Variants in CADPS observed in about 807,000 individuals in gnomAD.
CADPS encodes the protein calcium dependent secretion activator, also known as calcium-dependent secretion activator 1.
Under a neutral mutation model 167.3 loss-of-function variants are expected in CADPS, and 57 were observed. The observed-to-expected ratio is 0.34, with a 90% CI of 0.28 to 0.42. The LOEUF (loss-of-function observed/expected upper bound fraction) is 0.42, where lower values mean the gene tolerates loss of function less well. Among genes scored for constraint, CADPS ranks in the 20% least tolerant of loss-of-function variants. CADPS has a pLI of 1.00. For synonymous variants in CADPS, 676 were observed against 635.3 expected (o/e 1.06, Z -0.96); for missense variants, 1,414 against 1,738.1 (o/e 0.81, Z 3.32).
chr3:62,779,212 T>A, intron 1 of CADPS: 1 of 263,540 alleles, frequency 3.8e-6, no homozygotes, highest in Middle Eastern at 4.5e-4. Flanking sequence ...TGGTGCTTTT[T>A]GGGCTGGAGT....
intron 24 of CADPS, among the ~76,000 whole-genome samples, chr3:62,466,957 G>T (rs2060008301): frequency 6.6e-6 from 1 of 152,116 alleles, no homozygotes; most frequent in Non-Finnish European, 1.5e-5. Context: ...AAGGCAAAGT[G>T]TCTCTTTCTG....
At chr3:62,807,803 T>C (rs548218468) in intron 1 of CADPS, among the ~76,000 whole-genome samples, 2 of 152,260 alleles carry the variant, frequency 1.3e-5, no homozygotes, top group South Asian at 4.1e-4. Flanking sequence ...GTTATATATC[T>C]AGATTTTGTC....
intron 6 of CADPS, among the ~76,000 whole-genome samples, chr3:62,597,440 A>C (rs1031412612): frequency 2.6e-5 from 4 of 152,214 alleles, no homozygotes; most frequent in African/African-American, 9.7e-5. Context: ...GCTGGAAACC[A>C]AAAGAGTTCT....
chr3:62,493,116 C>A (rs556362923), intron 19 of CADPS, among the ~76,000 whole-genome samples: 283 of 152,280 alleles, frequency 1.9e-3, no homozygotes, highest in Non-Finnish European at 3.2e-3. Flanking sequence ...AGTTACTTTT[C>A]TGGGGGTTGG....
chr3:62,645,863 T>A lies in CADPS; in HGVS notation c.1204-20A>T, dbSNP rs570665219. 1 of 1,613,680 alleles carries A rather than the reference T, an allele frequency of 6.2e-7. No homozygotes were observed. The highest frequency in any genetic ancestry group is 1.1e-5 in the South Asian group (1 of 91,040). On this transcript the variant is annotated intron_variant, in intron 5 of 29. Coordinates refer to ENST00000383710, the MANE Select transcript of CADPS (RefSeq NM_003716.4). ...TACCACCTGAAAAGAGAATTCCACA[T>A]AATGGAGGTTATTGGCAAGGCCCCT...
chr3:62,492,499 C>T lies in CADPS; in HGVS notation c.2728-53G>A, dbSNP rs546825078. 1.3e-4 allele frequency: 209 copies of T among 1,558,332 alleles called. 1 individual carries two copies. Among genetic ancestry groups the T allele is most frequent in the Admixed American group, 3.1e-4 (18 of 58,834 alleles). On this transcript the variant is annotated intron_variant, in intron 19 of 29. Coordinates refer to ENST00000383710, the MANE Select transcript of CADPS (RefSeq NM_003716.4). ...ACAAAGAAGTGATGAGCTTCTTTCT[C>T]GGACATAAGACGTGAATTCCAGCCC...
At chr3:62,714,016 T>C (rs900018963) in intron 3 of CADPS, among the ~76,000 whole-genome samples, 2 of 152,210 alleles carry the variant, frequency 1.3e-5, no homozygotes, top group South Asian at 4.1e-4. Flanking sequence ...TCAACCTCAG[T>C]ATTTATATAG....
At chr3:62,569,853 A>T (rs1562288878) in intron 9 of CADPS, among the ~76,000 whole-genome samples, 1 of 152,224 alleles carries the variant, frequency 6.6e-6, no homozygotes, top group Non-Finnish European at 1.5e-5. Flanking sequence ...AATTAAAAAC[A>T]GGCACTGGAA....
In CADPS at chr3:62,670,415, G is replaced by A. The variant is rs555410109; in HGVS notation, c.889-8021C>T. Reference sequence around the variant, plus strand: ...ATGATACTACCTAATCTGTGGAAGAGTTAAAATAAGATCATTTGTGTCTTT... The same window carrying A: ...ATGATACTACCTAATCTGTGGAAGAATTAAAATAAGATCATTTGTGTCTTT... On this transcript the variant is annotated intron_variant, in intron 3 of 29. Coordinates refer to ENST00000383710, the MANE Select transcript of CADPS (RefSeq NM_003716.4). Among the ~76,000 whole-genome samples, 136 of 152,268 alleles carry A rather than the reference G, an allele frequency of 8.9e-4. 1 individual carries two copies. The highest frequency in any genetic ancestry group is 1.6e-3 in the Non-Finnish European group (109 of 68,020).
intron 6 of CADPS, among the ~76,000 whole-genome samples, chr3:62,624,128 T>C (rs1231719273): frequency 6.6e-6 from 1 of 152,200 alleles, no homozygotes; most frequent in Non-Finnish European, 1.5e-5. Flanking sequence ...AAGAATTAAC[T>C]GGCCTGAAAC....
At chr3:62,830,382 T>C (rs1271782750) in intron 1 of CADPS, among the ~76,000 whole-genome samples, 2 of 152,216 alleles carry the variant, frequency 1.3e-5, no homozygotes, top group East Asian at 3.8e-4. Flanking sequence ...AGCTTTCTCC[T>C]AGTCCACTTT....
At chr3:62,713,222 C>G (rs912856049) in intron 3 of CADPS, among the ~76,000 whole-genome samples, 1 of 151,832 alleles carries the variant, frequency 6.6e-6, no homozygotes, top group African/African-American at 2.4e-5. Context: ...TTTTTGTTGC[C>G]CAGACCATTT....
At position 62,874,159 on chromosome 3, in the gene CADPS, C is replaced by A. The variant is rs2083200126; in HGVS notation, c.441+430G>T. On this transcript the variant is annotated intron_variant, in intron 1 of 29. Coordinates refer to ENST00000383710, the MANE Select transcript of CADPS (RefSeq NM_003716.4). This position sits in a 1 kb window ranked among gnomAD's most constrained non-coding sequence, Gnocchi z 7.1. ...CCTGCCGTTGCCCCCGCCCGCCGAA[C>A]GCACGCCCAGGAGGGCGGGCCCGGA... is the stretch of plus-strand genomic sequence containing the variant. Among the ~76,000 whole-genome samples the A allele has an allele frequency of 6.6e-6, 1 of 152,154 alleles. No homozygotes were observed. The highest frequency in any genetic ancestry group is 2.4e-5 in the African/African-American group (1 of 41,436).
intron 1 of CADPS, among the ~76,000 whole-genome samples, chr3:62,813,616 G>A (rs1332495831): frequency 3.3e-5 from 5 of 152,010 alleles, no homozygotes; most frequent in African/African-American, 1.2e-4. Context: ...TTGGTAATGG[G>A]ACCTAATTAA....
intron 26 of CADPS, among the ~76,000 whole-genome samples, chr3:62,453,475 T>C (rs886326395): frequency 2.0e-5 from 3 of 152,198 alleles, no homozygotes; most frequent in African/African-American, 4.8e-5. Context: ...TTTAGAGGTA[T>C]GTCCTCTATA....
intron 6 of CADPS, among the ~76,000 whole-genome samples, chr3:62,645,480 T>C (rs1169190863): frequency 6.6e-6 from 1 of 152,246 alleles, no homozygotes; most frequent in Non-Finnish European, 1.5e-5. Context: ...GGGTGAATAC[T>C]TAAAACCACT....
intron 1 of CADPS, among the ~76,000 whole-genome samples, chr3:62,851,201 A>C (rs1478835362): frequency 7.0e-6 from 1 of 142,142 alleles, no homozygotes; most frequent in Admixed American, 7.3e-5. Context: ...TGAATACAGC[A>C]CATTGATGGG....
intron 1 of CADPS, among the ~76,000 whole-genome samples, chr3:62,822,911 T>C (rs2073273876): frequency 6.6e-6 from 1 of 151,950 alleles, no homozygotes; most frequent in South Asian, 2.1e-4. Context: ...TGATCGGACA[T>C]TTCAGGCAGG....
In CADPS at chr3:62,661,036, G is replaced by C. The variant is rs529426107; in HGVS notation, c.969+1278C>G. On this transcript the variant is annotated intron_variant, in intron 4 of 29. Transcript: ENST00000383710. ...GAGGGCTGTTTTGAGGATTGACTGA[G>C]TTGGTACATGTGAAGCATTTAGCAT... 3.3e-5 allele frequency among the ~76,000 whole-genome samples: 5 copies of C among 152,260 alleles called. No individual in the cohort carries two copies. In the South Asian group the frequency reaches 1.0e-3, roughly 32 times the overall value.
Sources: gnomAD v4.1 joint callset for allele counts (sites outside exome capture counted in the v4.1 genomes callset) on GRCh38, gnomAD v4.1.1 for gene constraint, Gnocchi (gnomAD v3.1) non-coding constraint, MANE v1.5 for transcripts, NCBI Gene and HGNC (gene_info 2026-07-23, HGNC 2026-07-21) for gene names.